The following RELN variants were observed in gnomAD, a reference collection of about 807,000 sequenced individuals.
RELN encodes reelin.
RELN carries 108 observed loss-of-function variants against 427.6 expected under a neutral mutation model. The observed-to-expected ratio is 0.25, with a 90% CI of 0.22 to 0.30. The LOEUF (loss-of-function observed/expected upper bound fraction) is 0.30. Ranked by LOEUF, RELN falls within the 10% of genes least tolerant of loss-of-function variation. The pLI, the probability that RELN is intolerant of heterozygous loss-of-function variation, is 1.00. For missense variants in RELN, 3,715 were observed against 4,302.8 expected, an observed-to-expected ratio of 0.86 and a Z score of 3.82; for synonymous variants, 1,524 against 1,513.4, an observed-to-expected ratio of 1.01 and a Z score of -0.16.
intron 1 of RELN, among the ~76,000 whole-genome samples, chr7:103,928,769 C>T (rs1351695016): frequency 6.6e-6 from 1 of 152,156 alleles, no homozygotes; most frequent in Non-Finnish European, 1.5e-5. Flanking sequence ...CTGACGAGGA[C>T]TGAAACCAAT....
chr7:103,660,696 A>C (rs1307431018), intron 12 of RELN, among the ~76,000 whole-genome samples: 1 of 152,186 alleles, frequency 6.6e-6, no homozygotes, highest in Non-Finnish European at 1.5e-5. Context: ...CCAGTCACTC[A>C]ACAAAGAAGG....
intron 1 of RELN, among the ~76,000 whole-genome samples, chr7:103,932,324 G>A (rs555962079): frequency 6.6e-6 from 1 of 152,264 alleles, no homozygotes; most frequent in South Asian, 2.1e-4. Context: ...CTTATAAGTG[G>A]GACCTAAATG....
In RELN at chr7:103,546,395, T is replaced by C. The variant is rs575361521; in HGVS notation, c.6303-1051A>G. Among the ~76,000 whole-genome samples the C allele has an allele frequency of 5.9e-5, 9 of 152,346 alleles. No homozygotes were observed. In the East Asian group the frequency reaches 1.5e-3, roughly 26 times the overall value. On this transcript the variant is annotated intron_variant, in intron 41 of 64. Coordinates refer to ENST00000428762, the MANE Select transcript of RELN (RefSeq NM_005045.4). ...GGATATACTAGCTTTGTTTACCCATTCATTAGTTGATGGACATTTGGTTGT... is the reference window on the plus strand; with the variant it reads ...GGATATACTAGCTTTGTTTACCCATCCATTAGTTGATGGACATTTGGTTGT...
At chr7:103,862,309 G>A (rs1563056965) in intron 2 of RELN, among the ~76,000 whole-genome samples, 1 of 152,084 alleles carries the variant, frequency 6.6e-6, no homozygotes, top group Non-Finnish European at 1.5e-5. Flanking sequence ...GATGTTCATA[G>A]TCTTCAGGTG....
chr7:103,683,012 T>G (rs1833688435), intron 10 of RELN, among the ~76,000 whole-genome samples: 1 of 152,188 alleles, frequency 6.6e-6, no homozygotes, highest in Non-Finnish European at 1.5e-5. Context: ...TAAAAAATTA[T>G]TATAAGTTTG....
chr7:103,522,511 G>A (rs1307724193), intron 47 of RELN, among the ~76,000 whole-genome samples: 1 of 152,138 alleles, frequency 6.6e-6, no homozygotes, highest in African/African-American at 2.4e-5. Context: ...TAAACAATGG[G>A]AGCTGCCAAA....
chr7:103,735,814 C>T (rs1186575208), intron 6 of RELN, among the ~76,000 whole-genome samples: 1 of 152,126 alleles, frequency 6.6e-6, no homozygotes, highest in Admixed American at 6.6e-5. Flanking sequence ...TGTATTGCCA[C>T]TGAAGGAGTC....
intron 24 of RELN, among the ~76,000 whole-genome samples, chr7:103,598,357 T>C (rs1709839425): frequency 6.6e-6 from 1 of 152,210 alleles, no homozygotes; most frequent in African/African-American, 2.4e-5. Context: ...ATTTGAAATA[T>C]TGTAAGTGAG....
At chr7:103,538,307 G>A (rs945657055) in intron 45 of RELN, among the ~76,000 whole-genome samples, 1 of 151,166 alleles carries the variant, frequency 6.6e-6, no homozygotes, top group African/African-American at 2.4e-5. Flanking sequence ...GAACATTCTA[G>A]TTTTTGTCTG....
At position 103,677,564 on chromosome 7, in the gene RELN, G is replaced by A. The variant is rs1038597069; in HGVS notation, c.1289+4552C>T. Among the ~76,000 whole-genome samples, 7 of 149,708 alleles carry A rather than the reference G, an allele frequency of 4.7e-5. No homozygotes were observed. In the East Asian group the frequency reaches 1.2e-3, roughly 25 times the overall value. ...GCAGATCACTTGAGGTCAGGAGTTC[G>A]AGACGAGCCTGGCTAACATAGTGAA... On this transcript the variant is annotated intron_variant, in intron 11 of 64. Coordinates refer to ENST00000428762, the MANE Select transcript of RELN (RefSeq NM_005045.4).
chr7:103,751,238 A>G (rs958683699), intron 5 of RELN, among the ~76,000 whole-genome samples: 4 of 152,196 alleles, frequency 2.6e-5, no homozygotes, highest in Non-Finnish European at 4.4e-5. Context: ...AAAAACTCTC[A>G]TAACTTTTTC....
At chr7:103,874,855 T>C (rs1377593659) in intron 2 of RELN, among the ~76,000 whole-genome samples, 1 of 148,384 alleles carries the variant, frequency 6.7e-6, no homozygotes, top group Non-Finnish European at 1.5e-5. Context: ...TGGAAAAAAC[T>C]ACTTTAAAGT....
At position 103,858,448 on chromosome 7, in the gene RELN, T is replaced by C. The variant is rs890608121; in HGVS notation, c.338-24776A>G. Reference sequence around the variant, plus strand: ...TATTAACAAATATAATATTATAAAATTTGAGTAACCAAGCCAAATACTCTG... The same window carrying C: ...TATTAACAAATATAATATTATAAAACTTGAGTAACCAAGCCAAATACTCTG... On this transcript the variant is annotated intron_variant, in intron 2 of 64. Coordinates refer to ENST00000428762, the MANE Select transcript of RELN (RefSeq NM_005045.4). Among the ~76,000 whole-genome samples, 10 of 152,254 alleles carry C rather than the reference T, an allele frequency of 6.6e-5. 1 individual carries two copies. Among genetic ancestry groups the C allele is most frequent in the African/African-American group, 2.4e-4 (10 of 41,546 alleles).
chr7:103,962,661 T>C (rs2116795323), intron 1 of RELN, among the ~76,000 whole-genome samples: 1 of 152,088 alleles, frequency 6.6e-6, no homozygotes, highest in East Asian at 1.9e-4. Context: ...TGTGTGTGTG[T>C]GTGTGTGTGT....
At position 103,495,770 on chromosome 7, in the gene RELN, A is replaced by G; in HGVS notation, c.9322T>C (p.Ser3108Pro). 10 of 1,614,052 alleles carry G rather than the reference A, an allele frequency of 6.2e-6. No individual in the cohort carries two copies. Among genetic ancestry groups the G allele is most frequent in the Non-Finnish European group, 8.5e-6 (10 of 1,179,982 alleles). The change falls in exon 57 of 65, where the codon TCC becomes CCC. Residue 3108 changes from serine (S) to proline (P), a missense_variant. Transcript: ENST00000428762. ...KKKDKTHNALSSRELIIQPGY... is the reference protein window; with the variant it reads ...KKKDKTHNALPSRELIIQPGY... ...GGCTGTATAATGAGTTCTCGGGAGG[A>G]GAGAGCATTGTGAGTCTTGTCCTTC...
chr7:103,692,805 C>T (rs1031031827), intron 10 of RELN, among the ~76,000 whole-genome samples: 5 of 151,874 alleles, frequency 3.3e-5, no homozygotes, highest in African/African-American at 1.2e-4. Context: ...CCTGTCCCCA[C>T]CCCGACAAGT....
chr7:103,966,491 T>G (rs867728892), intron 1 of RELN, among the ~76,000 whole-genome samples: 1 of 152,048 alleles, frequency 6.6e-6, no homozygotes, highest in Non-Finnish European at 1.5e-5. Flanking sequence ...ACAGAATTGA[T>G]TTTTTTTCTC....
At chr7:103,812,041 T>C (rs1792756145) in intron 3 of RELN, among the ~76,000 whole-genome samples, 1 of 152,220 alleles carries the variant, frequency 6.6e-6, no homozygotes, top group South Asian at 2.1e-4. Context: ...TCTGTAAAAA[T>C]AGATAGCTGT....
intron 16 of RELN, among the ~76,000 whole-genome samples, chr7:103,649,987 C>T (rs1832879128): frequency 6.6e-6 from 1 of 151,692 alleles, no homozygotes. Flanking sequence ...TTAGGATATC[C>T]CTTGTCATCA....
Sources: allele counts gnomAD v4.1 joint callset (sites outside exome capture counted in the v4.1 genomes callset), GRCh38; gene constraint gnomAD v4.1.1; transcripts MANE v1.5; gene names NCBI Gene and HGNC (gene_info 2026-07-23, HGNC 2026-07-21).